Variants in VDAC1 observed in about 807,000 individuals in gnomAD.
The protein encoded by VDAC1 is voltage dependent anion channel 1.
In VDAC1, 10 loss-of-function variants were observed where a neutral mutation model predicts 34.7. That is an observed-to-expected ratio of 0.29 (90% confidence interval 0.18 to 0.49). The LOEUF (loss-of-function observed/expected upper bound fraction) is 0.49. Ranked by LOEUF, VDAC1 falls within the 20% of genes least tolerant of loss-of-function variation. VDAC1 has a pLI of 0.99. For missense variants in VDAC1, 230 were observed against 347.9 expected, an observed-to-expected ratio of 0.66 and a Z score of 2.69; for synonymous variants, 130 against 136.0, an observed-to-expected ratio of 0.96 and a Z score of 0.30.
chr5:134,017,657 T>A, the VDAC1 span, among the ~76,000 whole-genome samples: 2 of 152,188 alleles, frequency 1.3e-5, no homozygotes, highest in African/African-American at 2.4e-5. Flanking sequence ...CTCACGCTTG[T>A]AATCCCAGCA....
chr5:134,043,692 C>T, the VDAC1 span, among the ~76,000 whole-genome samples: 1 of 152,018 alleles, frequency 6.6e-6, no homozygotes, highest in African/African-American at 2.4e-5. Context: ...ACCACCATGG[C>T]CAGCTAATTT....
the VDAC1 span, among the ~76,000 whole-genome samples, chr5:134,109,481 G>A: frequency 6.6e-6 from 1 of 152,136 alleles, no homozygotes; most frequent in Admixed American, 6.5e-5. Context: ...AGAACTTAGA[G>A]ACACCTGGCC....
At chr5:133,998,121 GA>G in intron 1 of VDAC1, among the ~76,000 whole-genome samples, 1 of 150,670 alleles carries the variant, frequency 6.6e-6, no homozygotes, top group Admixed American at 6.6e-5. Context: ...ACAGTTAAAT[GA>G]AAAAAGTCAG....
At chr5:134,080,962 C>A in the VDAC1 span, among the ~76,000 whole-genome samples, 2 of 151,392 alleles carry the variant, frequency 1.3e-5, no homozygotes, top group African/African-American at 4.9e-5. Flanking sequence ...CTGCAACCTC[C>A]ACCTCCCAGG....
At chr5:134,010,588 G>C in the VDAC1 span, among the ~76,000 whole-genome samples, 3 of 152,034 alleles carry the variant, frequency 2.0e-5, no homozygotes, top group African/African-American at 7.3e-5. Flanking sequence ...ACAAGAGCGA[G>C]ACTTTGTCTC....
the VDAC1 span, among the ~76,000 whole-genome samples, chr5:134,094,629 G>A: frequency 4.6e-5 from 7 of 151,584 alleles, no homozygotes; most frequent in South Asian, 2.1e-4. Flanking sequence ...CCCGGGAGGC[G>A]GAGCTTGCAG....
the VDAC1 span, among the ~76,000 whole-genome samples, chr5:134,102,001 G>A: frequency 3.3e-5 from 5 of 152,248 alleles, no homozygotes; most frequent in Admixed American, 1.3e-4. Flanking sequence ...GCTCCCTGGT[G>A]ACTGGAACGA....
At chr5:134,085,843 G>A in the VDAC1 span, among the ~76,000 whole-genome samples, 1 of 150,676 alleles carries the variant, frequency 6.6e-6, no homozygotes, top group Admixed American at 6.7e-5. Flanking sequence ...AAGAATTTGA[G>A]GTTACTATGA....
At chr5:133,980,998 C>A in intron 5 of VDAC1, 42 bp from the exon 6 acceptor site, 1 of 1,511,380 alleles carries the variant, frequency 6.6e-7, no homozygotes, top group Non-Finnish European at 9.0e-7. Context: ...AGCTAACTCA[C>A]CTTGAAATGC....
intron 5 of VDAC1, among the ~76,000 whole-genome samples, chr5:133,983,369 C>T (rs1752773967): frequency 6.6e-6 from 1 of 151,592 alleles, no homozygotes. Flanking sequence ...ATATTTACAG[C>T]TGAAATTAAG....
the VDAC1 span, among the ~76,000 whole-genome samples, chr5:134,054,422 T>C: frequency 1.5e-4 from 23 of 151,896 alleles, no homozygotes; most frequent in Admixed American, 1.5e-3. Flanking sequence ...TTTCTTTTCT[T>C]TTCTCTTTTA....
At chr5:134,056,691 T>A in the VDAC1 span, among the ~76,000 whole-genome samples, 1 of 152,216 alleles carries the variant, frequency 6.6e-6, no homozygotes, top group African/African-American at 2.4e-5. Flanking sequence ...TAAGTTTTTC[T>A]TTTTCTTTTT....
At position 134,002,349 on chromosome 5, in the gene VDAC1, AAGG is replaced by A. The variant is rs1378106149; in HGVS notation, c.-7+2543_-7+2545del. 2.0e-5 allele frequency among the ~76,000 whole-genome samples: 3 copies of A among 152,110 alleles called. No individual in the cohort carries two copies. The East Asian group carries it at 5.8e-4, about 29-fold the overall frequency. On this transcript the variant is annotated intron_variant, in intron 1 of 8. Coordinates refer to ENST00000265333, the MANE Select transcript of VDAC1 (RefSeq NM_003374.3). The stretch of plus-strand genomic sequence containing the variant: ...GCAAAAATAAAACTAAATAATCAAC[AAGG>A]AGTAGTCCCCACTACCCACAGGCAG...
At chr5:134,071,156 C>T in the VDAC1 span, among the ~76,000 whole-genome samples, 4 of 152,340 alleles carry the variant, frequency 2.6e-5, no homozygotes, top group South Asian at 8.3e-4. The surrounding 1 kb of genome is among the most constrained non-coding windows in gnomAD (Gnocchi z 4.1). Context: ...CCGAGGGGAT[C>T]CTCGGCCCAG....
the VDAC1 span, among the ~76,000 whole-genome samples, chr5:134,017,388 G>A: frequency 5.9e-5 from 9 of 151,786 alleles, no homozygotes; most frequent in South Asian, 2.1e-4. Context: ...ACCTGGAGGT[G>A]GAGGTTGCAG....
At chr5:134,093,545 A>C in the VDAC1 span, among the ~76,000 whole-genome samples, 1 of 152,356 alleles carries the variant, frequency 6.6e-6, no homozygotes, top group East Asian at 1.9e-4. Context: ...TCTCTGGCCA[A>C]GCCCAACAGA....
At chr5:133,992,831 C>T (rs1394051061) in intron 2 of VDAC1, 115 bp downstream of exon 2, 16 of 991,002 alleles carry the variant, frequency 1.6e-5, no homozygotes, top group African/African-American at 3.4e-5. Flanking sequence ...TTTTCCCTCA[C>T]GTGAAAGTTC....
chr5:133,990,831 G>A, intron 5 of VDAC1, 24 bp downstream of exon 5: 1 of 1,525,914 alleles, frequency 6.6e-7, no homozygotes, highest in Non-Finnish European at 8.8e-7. Context: ...ACATCCTTGT[G>A]GAGAAAACAG....
At chr5:134,067,974 C>T in the VDAC1 span, among the ~76,000 whole-genome samples, 2 of 151,964 alleles carry the variant, frequency 1.3e-5, no homozygotes, top group African/African-American at 2.4e-5. Flanking sequence ...AAAAATTAGC[C>T]GGTCATGGTG....
Sources: gnomAD v4.1 joint callset for allele counts (sites outside exome capture counted in the v4.1 genomes callset) on GRCh38, gnomAD v4.1.1 for gene constraint, Gnocchi (gnomAD v3.1) non-coding constraint, MANE v1.5 for transcripts, NCBI Gene and HGNC (gene_info 2026-07-23, HGNC 2026-07-21) for gene names.